Variants in MTCH2 observed in about 807,000 individuals in gnomAD.
MTCH2 encodes the protein mitochondrial carrier 2.
Under a neutral mutation model 50.6 loss-of-function variants are expected in MTCH2, and 25 were observed. The observed-to-expected ratio is 0.49, with a 90% CI of 0.36 to 0.69. MTCH2 has a LOEUF of 0.69. MTCH2 is among the 30% of genes least tolerant of loss of function. The pLI is 0.00. For missense variants in MTCH2, 273 were observed against 384.4 expected (o/e 0.71, Z 2.42); for synonymous variants, 106 against 132.0 (o/e 0.80, Z 1.35).
chr11:47,605,247 G>A, the MTCH2 span, among the ~76,000 whole-genome samples: 81 of 152,132 alleles, frequency 5.3e-4, no homozygotes, highest in Non-Finnish European at 4.9e-4. Flanking sequence ...ATTTTTCACT[G>A]TTTCACCCCT....
intron 11 of MTCH2, among the ~76,000 whole-genome samples, chr11:47,623,677 T>A (rs775930685): frequency 2.0e-5 from 3 of 152,202 alleles, no homozygotes; most frequent in African/African-American, 7.2e-5. Context: ...AAACTCCACA[T>A]AGCTATCTGA....
At chr11:47,624,110 T>C (rs2097295795) in intron 11 of MTCH2, among the ~76,000 whole-genome samples, 1 of 151,814 alleles carries the variant, frequency 6.6e-6, no homozygotes, top group Non-Finnish European at 1.5e-5. Context: ...TGGGCACCTG[T>C]AATCCCAGCT....
At chr11:47,613,099 G>T (rs1269625253), downstream of MTCH2, among the ~76,000 whole-genome samples, 17 of 151,614 alleles carry the variant, frequency 1.1e-4, no homozygotes, top group Admixed American at 1.1e-3. Context: ...GTAGAGACAG[G>T]ATCTCACTAT....
At chr11:47,608,753 T>C in the MTCH2 span, among the ~76,000 whole-genome samples, 1 of 151,240 alleles carries the variant, frequency 6.6e-6, no homozygotes, top group African/African-American at 2.4e-5. Flanking sequence ...GGTCAGAAGA[T>C]CAAGACCATC....
chr11:47,631,519 G>T, intron 6 of MTCH2, 135 bp downstream of exon 6: 1 of 784,176 alleles, frequency 1.3e-6, no homozygotes. Flanking sequence ...TGGATAAATT[G>T]GATAAAAGCC....
At chr11:47,629,255 C>T (rs1035827775) in intron 8 of MTCH2, 2 of 525,038 alleles carry the variant, frequency 3.8e-6, no homozygotes, top group African/African-American at 3.8e-5. Context: ...GACTTTTGTT[C>T]CTATGTTTAA....
the MTCH2 span, among the ~76,000 whole-genome samples, chr11:47,609,281 C>T: frequency 6.6e-6 from 1 of 150,990 alleles, no homozygotes; most frequent in South Asian, 2.1e-4. Flanking sequence ...ATGGCAAAAC[C>T]CCGTCTCTAC....
chr11:47,635,671 G>GTTTTT, intron 3 of MTCH2, 100 bp from the exon 4 acceptor site: 1 of 1,104,916 alleles, frequency 9.1e-7, no homozygotes, highest in African/African-American at 1.6e-5. Context: ...ATTAGCTGAA[G>GTTTTT]TTTTTTTTAA....
At chr11:47,611,387 A>C in the MTCH2 span, among the ~76,000 whole-genome samples, 8 of 152,220 alleles carry the variant, frequency 5.3e-5, no homozygotes, top group Non-Finnish European at 1.2e-4. Flanking sequence ...GTCTGATGCC[A>C]GAAGGGCAGG....
the MTCH2 span, among the ~76,000 whole-genome samples, chr11:47,609,836 C>G: frequency 6.6e-6 from 1 of 152,210 alleles, no homozygotes; most frequent in East Asian, 1.9e-4. Context: ...AAGATAGAGG[C>G]TGCAGCAACA....
the MTCH2 span, among the ~76,000 whole-genome samples, chr11:47,608,526 GCTC>G: frequency 6.6e-6 from 1 of 152,154 alleles, no homozygotes; most frequent in Admixed American, 6.5e-5. Context: ...TCTCAGCTCA[GCTC>G]CTCCTGCACA....
chr11:47,625,895 G>C (rs2097297718), intron 10 of MTCH2, among the ~76,000 whole-genome samples, 154 bp from the exon 11 acceptor site: 1 of 152,194 alleles, frequency 6.6e-6, no homozygotes, highest in Non-Finnish European at 1.5e-5. Context: ...ACAGTTTTGA[G>C]CCTGGAGATG....
chr11:47,609,323 G>A, the MTCH2 span, among the ~76,000 whole-genome samples: 1 of 150,844 alleles, frequency 6.6e-6, no homozygotes, highest in African/African-American at 2.4e-5. Flanking sequence ...GGATGTGGTG[G>A]CAGGCACCTG....
At chr11:47,632,357 A>ATTTT (rs34382888) in intron 5 of MTCH2, among the ~76,000 whole-genome samples, 1 of 138,612 alleles carries the variant, frequency 7.2e-6, no homozygotes, top group African/African-American at 2.6e-5. Flanking sequence ...TGGCTTTTGC[A>ATTTT]TTTTTTTTTT....
chr11:47,634,683 C>T lies in MTCH2; in HGVS notation c.358G>A (p.Val120Ile), dbSNP rs774323410. ...QKEVSSSFDH[V>I]IKETTREMIA... Reference sequence around the variant, plus strand: ...AATTCATCTCTTACCTCCTTGATAACGTGGTCAAAGGAAGATGAGACTTCT... The same window carrying T: ...AATTCATCTCTTACCTCCTTGATAATGTGGTCAAAGGAAGATGAGACTTCT... Residue 120 changes from valine to isoleucine, a missense_variant, in exon 5 of 13, where the codon GTT (valine) becomes ATT (isoleucine). Around this residue, in one of 2 missense-constraint regions of MTCH2, gnomAD observed 203 missense variants for 244.3 expected, o/e 0.83. Coordinates refer to ENST00000302503, the MANE Select transcript of MTCH2 (RefSeq NM_014342.4). The T allele has an allele frequency of 3.2e-5, 51 of 1,609,036 alleles. No homozygotes were observed. The highest frequency in any genetic ancestry group is 2.3e-4 in the South Asian group (21 of 90,776).
chr11:47,629,486 T>A, intron 8 of MTCH2: 1 of 174,246 alleles, frequency 5.7e-6, no homozygotes, highest in Non-Finnish European at 1.2e-5. Context: ...CAGATACAGA[T>A]GAGAGGCATC....
chr11:47,642,267 C>T, intron 1 of MTCH2, 112 bp downstream of exon 1: 1 of 886,438 alleles, frequency 1.1e-6, no homozygotes, highest in South Asian at 1.8e-5. Flanking sequence ...GGAGGAGCAG[C>T]AGCATCTCGG....
intron 1 of MTCH2, among the ~76,000 whole-genome samples, chr11:47,642,105 C>G (rs1053287554): frequency 1.3e-5 from 2 of 152,128 alleles, no homozygotes; most frequent in African/African-American, 4.8e-5. Flanking sequence ...AACCAAAGTT[C>G]AGAGGATCCG....
intron 8 of MTCH2, among the ~76,000 whole-genome samples, chr11:47,629,527 T>TTTGTTTTACAC: frequency 6.6e-6 from 1 of 152,092 alleles, no homozygotes. Context: ...CTGGGTGACC[T>TTTGTTTTACAC]AGGTGAGGCA....
Sources: gnomAD v4.1 joint callset for allele counts (sites outside exome capture counted in the v4.1 genomes callset) on GRCh38, gnomAD v4.1.1 for gene constraint, gnomAD v4.1.1 regional missense constraint, MANE v1.5 for transcripts, NCBI Gene and HGNC (gene_info 2026-07-23, HGNC 2026-07-21) for gene names.